PCSK2: variants seen among roughly 807,000 people sequenced by gnomAD.
PCSK2 encodes proprotein convertase subtilisin/kexin type 2, also known as neuroendocrine convertase 2.
A neutral mutation model predicts 69.7 loss-of-function variants in PCSK2; 14 were observed. The observed-to-expected ratio is 0.20, with a 90% CI of 0.13 to 0.31. The LOEUF (loss-of-function observed/expected upper bound fraction) is 0.31, where lower values mean the gene tolerates loss of function less well. Ranked by LOEUF, PCSK2 falls within the 10% of genes least tolerant of loss-of-function variation. The pLI is 1.00. For missense variants in PCSK2, 544 were observed against 842.5 expected (o/e 0.65, Z 4.39); for synonymous variants, 307 against 320.7 (o/e 0.96, Z 0.46).
At chr20:17,460,504 A>C (rs2032997361) in intron 10 of PCSK2, among the ~76,000 whole-genome samples, 1 of 152,236 alleles carries the variant, frequency 6.6e-6, no homozygotes, top group Non-Finnish European at 1.5e-5. Flanking sequence ...ATAGATATGG[A>C]GGGAAATACA....
chr20:17,467,775 C>T (rs1363143937), intron 11 of PCSK2, among the ~76,000 whole-genome samples: 1 of 152,128 alleles, frequency 6.6e-6, no homozygotes, highest in Admixed American at 6.5e-5. Context: ...GAGACTTTAG[C>T]AACACACAAG....
chr20:17,326,206 G>A (rs1990046446), intron 2 of PCSK2, among the ~76,000 whole-genome samples: 2 of 152,216 alleles, frequency 1.3e-5, no homozygotes, highest in South Asian at 2.1e-4. Context: ...TAGAGGTCAG[G>A]TGAATGATAA....
At chr20:17,348,094 A>T (rs1044509717) in intron 2 of PCSK2, among the ~76,000 whole-genome samples, 12 of 146,190 alleles carry the variant, frequency 8.2e-5, no homozygotes, top group South Asian at 2.2e-4. Flanking sequence ...AAAGAAAGAA[A>T]GAAAGAAAGA....
chr20:17,251,227 A>G (rs892537503), intron 1 of PCSK2, among the ~76,000 whole-genome samples: 1 of 152,344 alleles, frequency 6.6e-6, no homozygotes, highest in East Asian at 1.9e-4. Context: ...CAGCACACAT[A>G]CATTTTCTTC....
intron 2 of PCSK2, among the ~76,000 whole-genome samples, chr20:17,303,394 A>G (rs947431662): frequency 1.7e-5 from 2 of 115,574 alleles, no homozygotes; most frequent in African/African-American, 3.3e-5. Context: ...TATAATATAT[A>G]ATATATGTAA....
chr20:17,282,084 A>G (rs185106100), intron 2 of PCSK2, among the ~76,000 whole-genome samples: 2 of 152,248 alleles, frequency 1.3e-5, no homozygotes, highest in African/African-American at 4.8e-5. Context: ...CTCATGGTGT[A>G]TGCTCCACTG....
chr20:17,352,348 A>G (rs113512643), intron 2 of PCSK2, among the ~76,000 whole-genome samples: 1,915 of 152,336 alleles, frequency 0.013, 14 homozygotes, highest in East Asian at 0.035. Flanking sequence ...TAGAAGAAAC[A>G]ATTCTAAAAT....
At chr20:17,449,652 C>T (rs2123374545) in intron 8 of PCSK2, among the ~76,000 whole-genome samples, 1 of 151,474 alleles carries the variant, frequency 6.6e-6, no homozygotes. Flanking sequence ...CTCAGCCTCC[C>T]GAGTAGCTGG....
intron 2 of PCSK2, among the ~76,000 whole-genome samples, chr20:17,357,526 A>C (rs552207255): frequency 6.6e-6 from 1 of 152,344 alleles, no homozygotes; most frequent in South Asian, 2.1e-4. Flanking sequence ...AATCCACATC[A>C]GTCCTCTCTC....
chr20:17,285,254 G>T (rs1223071585), intron 2 of PCSK2, among the ~76,000 whole-genome samples: 1 of 152,202 alleles, frequency 6.6e-6, no homozygotes, highest in Admixed American at 6.5e-5. Flanking sequence ...TTCTTGTCGG[G>T]TGGGAACAGG....
intron 2 of PCSK2, among the ~76,000 whole-genome samples, chr20:17,343,132 C>A (rs1990555689): frequency 6.6e-6 from 1 of 152,214 alleles, no homozygotes; most frequent in Non-Finnish European, 1.5e-5. Context: ...CTCTCACTAT[C>A]CCTTTATTCA....
chr20:17,410,545 A>G (rs1405695575), intron 6 of PCSK2, among the ~76,000 whole-genome samples: 2 of 152,242 alleles, frequency 1.3e-5, no homozygotes, highest in African/African-American at 4.8e-5. Flanking sequence ...TTTTGTAAAG[A>G]TCATTGCTGA....
chr20:17,386,618 GTT>G (rs2031240700), intron 5 of PCSK2, among the ~76,000 whole-genome samples: 1 of 152,192 alleles, frequency 6.6e-6, no homozygotes, highest in Non-Finnish European at 1.5e-5. Context: ...TGGAAAGGTA[GTT>G]GCCAGGGTCT....
chr20:17,327,913 A>G (rs186923521), intron 2 of PCSK2, among the ~76,000 whole-genome samples: 179 of 152,310 alleles, frequency 1.2e-3, no homozygotes, highest in African/African-American at 4.2e-3. Flanking sequence ...TGCTGCCTCA[A>G]AAACACCAAG....
chr20:17,469,064 T>C (rs997896555), intron 11 of PCSK2, among the ~76,000 whole-genome samples: 1 of 152,250 alleles, frequency 6.6e-6, no homozygotes, highest in African/African-American at 2.4e-5. Context: ...TCCCAAGTGA[T>C]GTTACAAATG....
chr20:17,483,197 G>A lies in PCSK2; in HGVS notation c.*1127G>A, dbSNP rs2033440845. The A allele has an allele frequency of 6.6e-6, 1 of 152,132 alleles. No individual in the cohort carries two copies. Among genetic ancestry groups the A allele is most frequent in the Admixed American group, 6.5e-5 (1 of 15,276 alleles). 9.4% of individuals were successfully genotyped at this position (152,132 alleles called of 1,614,324 possible). Reference sequence around the variant, plus strand: ...AGGTGAAAGGGGCACGTTTGAAGATGCGAGCGCTATCTTCACATAGTTCTC... The same window carrying A: ...AGGTGAAAGGGGCACGTTTGAAGATACGAGCGCTATCTTCACATAGTTCTC... On this transcript the variant is annotated 3_prime_UTR_variant, in exon 12 of 12. Coordinates refer to ENST00000262545, the MANE Select transcript of PCSK2 (RefSeq NM_002594.5).
At chr20:17,411,249 G>A (rs2031865156) in intron 6 of PCSK2, among the ~76,000 whole-genome samples, 3 of 152,328 alleles carry the variant, frequency 2.0e-5, no homozygotes, top group South Asian at 4.1e-4. Context: ...GTGGGTGCAA[G>A]GGGTCGGAGG....
intron 8 of PCSK2, among the ~76,000 whole-genome samples, chr20:17,442,943 G>C (rs1053057562): frequency 2.0e-5 from 3 of 149,814 alleles, no homozygotes; most frequent in African/African-American, 7.5e-5. Context: ...CCTTTGCGAA[G>C]TGGAAAAGCT....
At chr20:17,249,759 G>A (rs1292041092) in intron 1 of PCSK2, among the ~76,000 whole-genome samples, 1 of 152,084 alleles carries the variant, frequency 6.6e-6, no homozygotes, top group African/African-American at 2.4e-5. Context: ...GTCAAATACT[G>A]TATGATTCCA....
Sources: gnomAD v4.1 joint callset for allele counts (sites outside exome capture counted in the v4.1 genomes callset) on GRCh38, gnomAD v4.1.1 for gene constraint, MANE v1.5 for transcripts, NCBI Gene and HGNC (gene_info 2026-07-23, HGNC 2026-07-21) for gene names.